ERCC5: variants seen among roughly 807,000 people sequenced by gnomAD.
The protein encoded by ERCC5 is ERCC excision repair 5, endonuclease, also known as DNA excision repair protein ERCC-5.
ERCC5 carries 68 observed loss-of-function variants against 105.6 expected under a neutral mutation model. The ratio of observed to expected loss-of-function variants is 0.64; its 90% confidence interval spans 0.53 to 0.79. The LOEUF (loss-of-function observed/expected upper bound fraction) is 0.79. ERCC5 is among the 30% of genes least tolerant of loss of function. The pLI, the probability that ERCC5 is intolerant of heterozygous loss-of-function variation, is 0.00. For missense variants in ERCC5, 1,373 were observed against 1,426.7 expected (o/e 0.96, Z 0.61); for synonymous variants, 546 against 526.2 (o/e 1.04, Z -0.51).
At chr13:102,864,123 CAACCA>C (rs1000051436) in intron 8 of ERCC5, among the ~76,000 whole-genome samples, 19 of 124,006 alleles carry the variant, frequency 1.5e-4, no homozygotes, top group African/African-American at 6.0e-4. Context: ...ATAAGAGAAT[CAACCA>C]CACACACACA....
In ERCC5 at chr13:102,875,763, G is replaced by A. The variant is rs750395826; in HGVS notation, c.3421G>A (p.Gly1141Arg). ...AGTGAAGGAAGCTCCCGTGAAGAAT[G>A]GAGGTGCGACCACCAGCAGCTCTAG... ...NSVKEAPVKN[G>R]GATTSSSSDS... Residue 1141 changes from glycine (G) to arginine (R), a missense_variant, in exon 15 of 15, where the codon GGA becomes AGA. Gly to Arg is a moderately radical substitution (Grantham distance 125). Coordinates refer to ENST00000652225, the MANE Select transcript of ERCC5 (RefSeq NM_000123.4). 13 of 1,614,186 alleles carry A rather than the reference G, an allele frequency of 8.1e-6. No individual in the cohort carries two copies. The highest frequency in any genetic ancestry group is 3.3e-4 in the Middle Eastern group (2 of 6,062).
At position 102,873,314 on chromosome 13, in the gene ERCC5, C is replaced by G. The variant is rs1352910669; in HGVS notation, c.2935C>G (p.Pro979Ala). The G allele has an allele frequency of 3.1e-6, 5 of 1,614,030 alleles. No individual in the cohort carries two copies. Among genetic ancestry groups the G allele is most frequent in the Non-Finnish European group, 3.4e-6 (4 of 1,179,988 alleles). The part of the protein sequence containing the change: ...NRTKTDESLF[P>A]VLKQLDAQQT... ...AACGAAGACAGATGAATCTCTGTTT[C>G]CTGTATTAAAGCAACTCGATGCCCA... Residue 979 changes from proline to alanine, a missense_variant, in exon 14 of 15, where the codon CCT (proline) becomes GCT (alanine). Coordinates refer to ENST00000652225, the MANE Select transcript of ERCC5 (RefSeq NM_000123.4).
chr13:102,854,926 T>A (rs747237753), intron 4 of ERCC5, among the ~76,000 whole-genome samples: 1 of 152,250 alleles, frequency 6.6e-6, no homozygotes, highest in Non-Finnish European at 1.5e-5. Flanking sequence ...GTGTTTGAAG[T>A]GAAGGTGGAG....
chr13:102,849,997 A>C (rs951481318), intron 1 of ERCC5, among the ~76,000 whole-genome samples: 11 of 150,990 alleles, frequency 7.3e-5, no homozygotes, highest in African/African-American at 1.2e-4. Context: ...GCTCGAGTGC[A>C]GTGGCGTGAT....
Position 102,858,340 on chromosome 13 carries a change from T to G in ERCC5, c.594T>G (p.Pro198=), listed in dbSNP as rs1882500047. 6.2e-7 allele frequency: 1 copy of G among 1,614,024 alleles called. No individual in the cohort carries two copies. ...CTGAGGACTTCAGCAGCCTGCCCCC[T>G]GAAGTAAAGCATGAAATCTTGACTG... ...IESEDFSSLP[P]EVKHEILTDM... is the part of the protein sequence containing the mutation. Residue 198 remains proline, a synonymous_variant, in exon 6 of 15, where the codon CCT becomes CCG. Coordinates refer to ENST00000652225, the MANE Select transcript of ERCC5 (RefSeq NM_000123.4).
At chr13:102,870,153 G>C (rs1006025555) in intron 12 of ERCC5, among the ~76,000 whole-genome samples, 2 of 152,190 alleles carry the variant, frequency 1.3e-5, no homozygotes, top group Non-Finnish European at 2.9e-5. Context: ...TTAGAGTGGG[G>C]CTGCATTGGG....
At chr13:102,848,020 G>A (rs186984399) in intron 1 of ERCC5, among the ~76,000 whole-genome samples, 2 of 152,320 alleles carry the variant, frequency 1.3e-5, no homozygotes, top group South Asian at 2.1e-4. Flanking sequence ...TTAGCTGGAC[G>A]TGGTGGCCTG....
chr13:102,858,189 T>C (rs546569071), intron 5 of ERCC5, 86 bp from the exon 6 acceptor site: 14 of 1,556,322 alleles, frequency 9.0e-6, no homozygotes, highest in African/African-American at 8.2e-5. Context: ...GTGTTTATTA[T>C]ATAAACATAA....
intron 6 of ERCC5, 148 bp downstream of exon 6, chr13:102,858,566 ATCGTATATTTATACGT>A: frequency 8.0e-7 from 1 of 1,243,796 alleles, no homozygotes; most frequent in Non-Finnish European, 1.1e-6. Flanking sequence ...TCTAAGAAGC[ATCGTATATTTATACGT>A]TTGAGCCTAT....
At chr13:102,871,769 C>T (rs1883042516) in intron 12 of ERCC5, among the ~76,000 whole-genome samples, 1 of 151,104 alleles carries the variant, frequency 6.6e-6, no homozygotes, top group African/African-American at 2.4e-5. Context: ...GTAAATAATA[C>T]AGATACATTA....
At chr13:102,874,511 A>G (rs993524753) in intron 14 of ERCC5, among the ~76,000 whole-genome samples, 1 of 152,186 alleles carries the variant, frequency 6.6e-6, no homozygotes, top group Non-Finnish European at 1.5e-5. Context: ...AACATTAGGC[A>G]TATAGCTTTA....
chr13:102,866,771 A>T lies in ERCC5; in HGVS notation c.2459A>T (p.His820Leu). 6.2e-7 allele frequency: 1 copy of T among 1,614,266 alleles called. No homozygotes were observed. The highest frequency in any genetic ancestry group is 8.5e-7 in the Non-Finnish European group (1 of 1,180,040). Residue 820 changes from histidine to leucine, a missense_variant, in exon 11 of 15, where the codon CAT becomes CTT. Coordinates refer to ENST00000652225, the MANE Select transcript of ERCC5 (RefSeq NM_000123.4). ...DSDIWLFGAR[H>L]VYRNFFNKNK... ...GATATCTGGCTGTTTGGAGCGCGGC[A>T]TGTCTATAGAAACTTTTTTAATAAA...
rs753479901 is a variant in ERCC5, at chr13:102,872,232, A to G, written c.2713A>G (p.Ile905Val). 3 of 1,614,018 alleles carry G rather than the reference A, an allele frequency of 1.9e-6. No homozygotes were observed. The highest frequency in any genetic ancestry group is 2.2e-5 in the East Asian group (1 of 44,884). The part of the protein sequence containing the change: ...WWHEAQKNPK[I>V]RPNPHDTKVK... ...GCATGAAGCTCAAAAAAATCCAAAG[A>G]TAAGACCTAATCCTCATGACACCAA... The change falls in exon 13 of 15, where the codon ATA (isoleucine) becomes GTA (valine). Residue 905 changes from isoleucine (I) to valine (V), a missense_variant. Ile to Val is a conservative substitution (Grantham distance 29, BLOSUM62 3). Around this residue, in one of 3 missense-constraint regions of ERCC5, gnomAD observed 367 missense variants for 350.2 expected, o/e 1.05. Coordinates refer to ENST00000652225, the MANE Select transcript of ERCC5 (RefSeq NM_000123.4).
intron 14 of ERCC5, among the ~76,000 whole-genome samples, chr13:102,874,124 G>A (rs1372966866): frequency 1.3e-5 from 2 of 152,122 alleles, no homozygotes; most frequent in African/African-American, 4.8e-5. Flanking sequence ...TTGTCTTAGT[G>A]TCTGGTGATT....
chr13:102,864,279 C>T (rs1489169410), intron 8 of ERCC5, among the ~76,000 whole-genome samples: 1 of 152,044 alleles, frequency 6.6e-6, no homozygotes, highest in Non-Finnish European at 1.5e-5. Flanking sequence ...ATATGCTGTT[C>T]CTGAACAAAC....
intron 12 of ERCC5, among the ~76,000 whole-genome samples, chr13:102,870,712 A>G (rs577775980): frequency 3.9e-4 from 60 of 152,024 alleles, no homozygotes; most frequent in Non-Finnish European, 4.1e-4. Flanking sequence ...TTTTGTTGTT[A>G]TAATACTTTG....
chr13:102,862,259 T>A lies in ERCC5; in HGVS notation c.1110T>A (p.Arg370=), dbSNP rs150791877. 1.4e-3 allele frequency: 2,297 copies of A among 1,613,914 alleles called. 3 individuals are homozygous for A. Among genetic ancestry groups the A allele is most frequent in the Non-Finnish European group, 1.7e-3 (1,971 of 1,179,982 alleles). ...AGAGTGAAAATCGAAGGCAGGCCCG[T>A]GGGAGGAACGCACCTGCTGCTGTAG... is the stretch of plus-strand genomic sequence containing the variant. ...ELESENRRQA[R]GRNAPAAVDE... The change falls in exon 8 of 15, where the codon CGT becomes CGA. Residue 370 remains arginine (R), a synonymous_variant. Transcript: ENST00000652225.
intron 5 of ERCC5, among the ~76,000 whole-genome samples, 172 bp downstream of exon 5, chr13:102,856,284 C>T (rs750679309): frequency 4.7e-5 from 5 of 106,886 alleles, no homozygotes; most frequent in Non-Finnish European, 1.0e-4. Flanking sequence ...AAAACACACT[C>T]ACCTACACAC....
chr13:102,856,012 T>TA, intron 4 of ERCC5, 40 bp from the exon 5 acceptor site: 1 of 1,608,006 alleles, frequency 6.2e-7, no homozygotes, highest in Non-Finnish European at 8.5e-7. Context: ...AAGGGGTCCT[T>TA]AAAAATCATA....
Sources: gnomAD v4.1 joint callset for allele counts (sites outside exome capture counted in the v4.1 genomes callset) on GRCh38, gnomAD v4.1.1 for gene constraint, gnomAD v4.1.1 regional missense constraint, MANE v1.5 for transcripts, NCBI Gene and HGNC (gene_info 2026-07-23, HGNC 2026-07-21) for gene names.